Variants in TENM2 observed in about 807,000 individuals in gnomAD.
TENM2 encodes the protein teneurin-2.
TENM2 carries 52 observed loss-of-function variants against 245.2 expected under a neutral mutation model. The ratio of observed to expected loss-of-function variants is 0.21; its 90% CI spans 0.17 to 0.27. TENM2 has a LOEUF of 0.27. Among genes scored for constraint, TENM2 ranks in the 10% least tolerant of loss-of-function variants. TENM2 has a pLI of 1.00. For synonymous variants in TENM2, 1,363 were observed against 1,438.9 expected, an observed-to-expected ratio of 0.95 and a Z score of 1.19; for missense variants, 3,046 against 3,666.8, an observed-to-expected ratio of 0.83 and a Z score of 4.37.
Position 167,393,245 on chromosome 5 carries a change from A to G in TENM2, c.502+17772A>G, listed in dbSNP as rs370125810. On this transcript the variant is annotated intron_variant, in intron 2 of 28. Coordinates refer to ENST00000518659, the Ensembl canonical transcript of TENM2. ...TAAATAGAAGGGAGGGATGAAGGAA[A>G]TAAAGAAAAAACTATGCTATGTAGT... 1.1e-4 allele frequency among the ~76,000 whole-genome samples: 16 copies of G among 152,240 alleles called. No individual in the cohort carries two copies. The South Asian group carries it at 3.1e-3, about 30-fold the overall frequency.
At chr5:167,489,403 T>C (rs1187129206) in intron 2 of TENM2, among the ~76,000 whole-genome samples, 1 of 152,120 alleles carries the variant, frequency 6.6e-6, no homozygotes, top group Non-Finnish European at 1.5e-5. Flanking sequence ...CTGTTCTCTC[T>C]TTCTGGATTA....
At chr5:168,022,902 T>C (rs1017660497) in intron 5 of TENM2, among the ~76,000 whole-genome samples, 1 of 152,124 alleles carries the variant, frequency 6.6e-6, no homozygotes, top group Admixed American at 6.5e-5. Flanking sequence ...GAAGCCACAC[T>C]GCAGTGTTCC....
At chr5:168,134,278 A>G (rs974566828) in intron 12 of TENM2, among the ~76,000 whole-genome samples, 5 of 152,242 alleles carry the variant, frequency 3.3e-5, no homozygotes, top group African/African-American at 1.2e-4. Context: ...GGGATACCAA[A>G]TAGCACCTAT....
chr5:167,700,527 A>T (rs1037522529), intron 2 of TENM2, among the ~76,000 whole-genome samples: 1 of 152,154 alleles, frequency 6.6e-6, no homozygotes, highest in African/African-American at 2.4e-5. Flanking sequence ...GTTAGTTCAG[A>T]CTTCACATAG....
At chr5:168,097,965 G>C in intron 8 of TENM2, 61 bp from the exon 11 acceptor site, 1 of 1,314,120 alleles carries the variant, frequency 7.6e-7, no homozygotes, top group Non-Finnish European at 1.1e-6. Context: ...GTTACTGACG[G>C]TTAAATTACT....
chr5:168,071,948 G>C (rs1791043969), intron 7 of TENM2, among the ~76,000 whole-genome samples: 1 of 152,176 alleles, frequency 6.6e-6, no homozygotes, highest in Middle Eastern at 3.2e-3. Context: ...TTCCAGCCTG[G>C]TGAAAGGTGC....
intron 2 of TENM2, among the ~76,000 whole-genome samples, chr5:167,502,009 TAAC>T (rs1769241783): frequency 1.4e-5 from 2 of 148,136 alleles, no homozygotes; most frequent in East Asian, 3.9e-4. Flanking sequence ...AAATGAAAAA[TAAC>T]AAAAAAAAAA....
At chr5:167,284,910 T>G in exon 1 of TENM2, 1 of 1,551,690 alleles carries the variant, frequency 6.4e-7, no homozygotes, top group Non-Finnish European at 8.7e-7. Context: ...CTACACAAGC[T>G]CCTCTCTGGA....
intron 2 of TENM2, among the ~76,000 whole-genome samples, chr5:167,770,695 G>A (rs1041872684): frequency 2.6e-5 from 4 of 152,148 alleles, no homozygotes; most frequent in Admixed American, 6.5e-5. Context: ...TGGTCTTCCT[G>A]TAGGGTCTGT....
At chr5:167,028,056 T>C in the TENM2 span, among the ~76,000 whole-genome samples, 543 of 115,308 alleles carry the variant, frequency 4.7e-3, 7 homozygotes, top group African/African-American at 0.016. Flanking sequence ...GGTAACAGAG[T>C]GAGATTCCAT....
At chr5:167,249,180 C>T in the TENM2 span, among the ~76,000 whole-genome samples, 1 of 152,054 alleles carries the variant, frequency 6.6e-6, no homozygotes, top group African/African-American at 2.4e-5. Context: ...AAATATATAG[C>T]CCCTTCATCC....
At chr5:167,550,307 T>A (rs1288524114) in intron 2 of TENM2, among the ~76,000 whole-genome samples, 1 of 152,204 alleles carries the variant, frequency 6.6e-6, no homozygotes, top group African/African-American at 2.4e-5. Context: ...GTGCCCAGCA[T>A]AGATGTTATT....
chr5:167,140,740 G>C, the TENM2 span, among the ~76,000 whole-genome samples: 3 of 152,138 alleles, frequency 2.0e-5, no homozygotes, highest in African/African-American at 7.2e-5. Flanking sequence ...CCCCAGCTCT[G>C]CTTTCTGATT....
In TENM2 at chr5:167,767,872, G is replaced by A. The variant is rs142860448; in HGVS notation, c.503-108114G>A. 9.8e-4 allele frequency among the ~76,000 whole-genome samples: 149 copies of A among 152,324 alleles called. 1 individual carries two copies. Among genetic ancestry groups the A allele is most frequent in the African/African-American group, 3.4e-3 (143 of 41,574 alleles). ...ACTGGCAGATGTGTTTAAGCTTGAT[G>A]TCTTGGTGCATGACAAGGAGAGCTT... is the stretch of plus-strand genomic sequence containing the variant. On this transcript the variant is annotated intron_variant, in intron 2 of 28. Coordinates refer to ENST00000518659, the Ensembl canonical transcript of TENM2.
At chr5:168,197,932 G>C (rs1761592659) in intron 15 of TENM2, among the ~76,000 whole-genome samples, 1 of 152,186 alleles carries the variant, frequency 6.6e-6, no homozygotes, top group Non-Finnish European at 1.5e-5. Context: ...GAAGAATGCT[G>C]TAATGAGCTC....
At chr5:168,011,012 T>C (rs1044595425) in intron 5 of TENM2, among the ~76,000 whole-genome samples, 1 of 152,246 alleles carries the variant, frequency 6.6e-6, no homozygotes, top group African/African-American at 2.4e-5. Context: ...TCAAACATTT[T>C]GCCCATTAAG....
At chr5:167,097,888 T>G in the TENM2 span, among the ~76,000 whole-genome samples, 1 of 152,192 alleles carries the variant, frequency 6.6e-6, no homozygotes, top group Non-Finnish European at 1.5e-5. Context: ...TCTTTCCTTG[T>G]TTTTCTGGGT....
At chr5:167,967,489 C>T (rs1320510124) in intron 4 of TENM2, among the ~76,000 whole-genome samples, 6 of 152,146 alleles carry the variant, frequency 3.9e-5, no homozygotes, top group Non-Finnish European at 5.9e-5. Context: ...TTGGAAGCAT[C>T]CTGGAAAGTG....
chr5:167,766,161 C>T (rs1362538236), intron 2 of TENM2, among the ~76,000 whole-genome samples: 1 of 152,124 alleles, frequency 6.6e-6, no homozygotes, highest in Non-Finnish European at 1.5e-5. Context: ...AGCTGATGAC[C>T]AGGTGGTATT....
Sources: gnomAD v4.1 joint callset for allele counts (sites outside exome capture counted in the v4.1 genomes callset) on GRCh38, gnomAD v4.1.1 for gene constraint, MANE v1.5 for transcripts, NCBI Gene and HGNC (gene_info 2026-07-23, HGNC 2026-07-21) for gene names.